The following PDGFC variants were observed in gnomAD, a reference collection of about 807,000 sequenced individuals.
PDGFC encodes the protein platelet derived growth factor C.
Under a neutral mutation model 35.5 loss-of-function variants are expected in PDGFC, and 12 were observed. The ratio of observed to expected loss-of-function variants is 0.34; its 90% CI spans 0.22 to 0.55. The LOEUF is 0.55. Among genes scored for constraint, PDGFC ranks in the 20% least tolerant of loss-of-function variants. The pLI is 0.91. For synonymous variants in PDGFC, 159 were observed against 148.8 expected (o/e 1.07, Z -0.50); for missense variants, 322 against 412.4 (o/e 0.78, Z 1.90).
chr4:156,934,584 C>T (rs1188194665), intron 1 of PDGFC, among the ~76,000 whole-genome samples: 1 of 152,146 alleles, frequency 6.6e-6, no homozygotes, highest in East Asian at 1.9e-4. Context: ...ATATACTAGC[C>T]TTAGCTTACT....
At chr4:156,820,580 A>G (rs1212786873) in intron 2 of PDGFC, among the ~76,000 whole-genome samples, 1 of 152,196 alleles carries the variant, frequency 6.6e-6, no homozygotes, top group Non-Finnish European at 1.5e-5. Flanking sequence ...TTGTATTGTG[A>G]TATTTGCTTT....
intron 1 of PDGFC, among the ~76,000 whole-genome samples, chr4:156,945,204 C>T (rs1056961378): frequency 4.6e-5 from 7 of 151,216 alleles, no homozygotes; most frequent in African/African-American, 9.7e-5. Context: ...CTGCTCATTG[C>T]TTTTTAATCT....
At chr4:156,807,224 A>G (rs1731793227) in intron 3 of PDGFC, among the ~76,000 whole-genome samples, 1 of 152,030 alleles carries the variant, frequency 6.6e-6, no homozygotes, top group Non-Finnish European at 1.5e-5. Flanking sequence ...TAATTTTAAA[A>G]TTATGTAGCA....
chr4:156,894,772 C>T (rs1022912324), intron 1 of PDGFC, among the ~76,000 whole-genome samples: 3 of 151,980 alleles, frequency 2.0e-5, no homozygotes, highest in Admixed American at 1.3e-4. Context: ...AAGGTAACAA[C>T]AAAATGAACA....
intron 1 of PDGFC, among the ~76,000 whole-genome samples, chr4:156,863,263 C>T (rs1729760661): frequency 6.6e-6 from 1 of 152,108 alleles, no homozygotes; most frequent in Non-Finnish European, 1.5e-5. Context: ...AAACTGGACA[C>T]TATAATTTTC....
intron 3 of PDGFC, among the ~76,000 whole-genome samples, chr4:156,809,467 G>T (rs1442394949): frequency 6.6e-6 from 1 of 151,942 alleles, no homozygotes; most frequent in Non-Finnish European, 1.5e-5. Context: ...CACATATACA[G>T]TGAATCCTGT....
intron 1 of PDGFC, among the ~76,000 whole-genome samples, chr4:156,945,391 A>ATATATATATATAT (rs1731922684): frequency 1.7e-5 from 2 of 120,960 alleles, no homozygotes; most frequent in African/African-American, 3.0e-5. Context: ...ATATATATAT[A>ATATATATATATAT]ATCAGTAGGG....
chr4:156,958,907 T>A (rs998633727), intron 1 of PDGFC, among the ~76,000 whole-genome samples: 1 of 152,050 alleles, frequency 6.6e-6, no homozygotes, highest in Non-Finnish European at 1.5e-5. Context: ...ATAATAGCAG[T>A]TTTATTACAA....
chr4:156,967,052 C>A (rs1321180508), intron 1 of PDGFC, among the ~76,000 whole-genome samples: 2 of 149,746 alleles, frequency 1.3e-5, no homozygotes, highest in Non-Finnish European at 3.0e-5. Flanking sequence ...GTAAAAAAGC[C>A]TTTAAACAAC....
chr4:156,963,394 TG>T (rs1362893993), intron 1 of PDGFC, among the ~76,000 whole-genome samples: 1 of 151,838 alleles, frequency 6.6e-6, no homozygotes, highest in Non-Finnish European at 1.5e-5. Context: ...CACCTGAGCC[TG>T]GGGAAGTTAA....
At chr4:156,835,082 G>T (rs1020829728) in intron 2 of PDGFC, among the ~76,000 whole-genome samples, 1 of 152,144 alleles carries the variant, frequency 6.6e-6, no homozygotes, top group African/African-American at 2.4e-5. Flanking sequence ...TGTGGGATAG[G>T]GTCGGAGAGG....
chr4:156,791,312 A>G (rs1731294472), intron 3 of PDGFC, among the ~76,000 whole-genome samples: 1 of 152,226 alleles, frequency 6.6e-6, no homozygotes, highest in Non-Finnish European at 1.5e-5. Flanking sequence ...ATTTGGATGA[A>G]TTGCCATCAT....
intron 2 of PDGFC, among the ~76,000 whole-genome samples, chr4:156,818,784 G>T (rs538238996): frequency 6.6e-6 from 1 of 152,078 alleles, no homozygotes; most frequent in Non-Finnish European, 1.5e-5. Context: ...TTACAGGCTT[G>T]AGCCACCGCA....
intron 1 of PDGFC, among the ~76,000 whole-genome samples, chr4:156,872,608 TTAAGTTTCA>T (rs1730011547): frequency 6.6e-6 from 1 of 152,212 alleles, no homozygotes; most frequent in Admixed American, 6.5e-5. Flanking sequence ...AAGTATGTTT[TTAAGTTTCA>T]TCTCTTTAAC....
chr4:156,782,101 C>A (rs761676080), intron 3 of PDGFC, among the ~76,000 whole-genome samples: 2 of 152,126 alleles, frequency 1.3e-5, no homozygotes, highest in Non-Finnish European at 2.9e-5. Flanking sequence ...AAGGAAAATT[C>A]TGAAACAGAC....
chr4:156,839,165 C>T (rs577180811), intron 2 of PDGFC, among the ~76,000 whole-genome samples: 45 of 152,308 alleles, frequency 3.0e-4, no homozygotes, highest in Admixed American at 5.9e-4. Context: ...TAGACACATT[C>T]CAAAGGCCAC....
chr4:156,829,662 T>C (rs1473188892), intron 2 of PDGFC, among the ~76,000 whole-genome samples: 1 of 152,150 alleles, frequency 6.6e-6, no homozygotes, highest in Admixed American at 6.5e-5. Flanking sequence ...TTTTTGACAG[T>C]TTCAATTATA....
intron 1 of PDGFC, among the ~76,000 whole-genome samples, chr4:156,863,612 A>G (rs1299895450): frequency 6.6e-6 from 1 of 152,156 alleles, no homozygotes; most frequent in Non-Finnish European, 1.5e-5. Context: ...TGTTTCTAAT[A>G]TTACCAATGA....
chr4:156,773,515 C>T (rs115234139), intron 3 of PDGFC, among the ~76,000 whole-genome samples: 2,138 of 152,130 alleles, frequency 0.014, 62 homozygotes, highest in African/African-American at 0.048. Context: ...AACTATGTGA[C>T]TGTCATAAGA....
Sources: gnomAD v4.1 joint callset for allele counts (sites outside exome capture counted in the v4.1 genomes callset) on GRCh38, gnomAD v4.1.1 for gene constraint, MANE v1.5 for transcripts, NCBI Gene and HGNC (gene_info 2026-07-23, HGNC 2026-07-21) for gene names.